ADARB2: variants seen among roughly 807,000 people sequenced by gnomAD.
ADARB2 encodes the protein adenosine deaminase RNA specific B2 (inactive).
Under a neutral mutation model 62.2 loss-of-function variants are expected in ADARB2, and 25 were observed. The observed-to-expected ratio is 0.40, with a 90% CI of 0.29 to 0.56. ADARB2 has a LOEUF of 0.56. ADARB2 is among the 20% of genes least tolerant of loss of function. The pLI, the probability that ADARB2 is intolerant of heterozygous loss-of-function variation, is 0.43. For synonymous variants in ADARB2, 572 were observed against 500.8 expected (o/e 1.14, Z -1.90); for missense variants, 1,071 against 1,077.4 (o/e 0.99, Z 0.08).
chr10:1,578,075 G>A (rs144607738), intron 1 of ADARB2, among the ~76,000 whole-genome samples: 12 of 152,292 alleles, frequency 7.9e-5, no homozygotes, highest in Non-Finnish European at 1.6e-4. Context: ...CCCCATCTGC[G>A]GGGCTTCTTT....
intron 3 of ADARB2, among the ~76,000 whole-genome samples, chr10:1,347,947 T>G (rs986796042): frequency 3.4e-5 from 5 of 146,364 alleles, no homozygotes; most frequent in African/African-American, 1.0e-4. Context: ...TAGAGAGAGA[T>G]AGGGGTGGAG....
At chr10:1,584,864 C>G (rs896908234) in intron 1 of ADARB2, among the ~76,000 whole-genome samples, 1 of 152,146 alleles carries the variant, frequency 6.6e-6, no homozygotes, top group Non-Finnish European at 1.5e-5. Context: ...AAGGCTACAT[C>G]CTGTAGGAGT....
At chr10:1,274,556 G>GC (rs1207267578) in intron 3 of ADARB2, among the ~76,000 whole-genome samples, 1 of 152,012 alleles carries the variant, frequency 6.6e-6, no homozygotes, top group African/African-American at 2.4e-5. Context: ...TGCTTGAGAG[G>GC]CTCCAGCACA....
chr10:1,263,449 A>G (rs1014757573), intron 4 of ADARB2, among the ~76,000 whole-genome samples: 1 of 152,354 alleles, frequency 6.6e-6, no homozygotes, highest in Admixed American at 6.5e-5. Context: ...TCATAGTCAA[A>G]GAGACCAGAA....
rs116761380 is a variant in ADARB2 at position 1,591,132 on chromosome 10, C to T, written c.100+145919G>A. On this transcript the variant is annotated intron_variant, in intron 1 of 9. Transcript: ENST00000381312. The stretch of plus-strand genomic sequence containing the variant: ...GTTCCTCAGAAGAGGATTCCTCAAC[C>T]TTGCCTGGGCTGGGGCCTCACCGGG... 4.8e-3 allele frequency among the ~76,000 whole-genome samples: 726 copies of T among 152,342 alleles called. 1 individual carries two copies. The highest frequency in any genetic ancestry group is 0.016 in the African/African-American group (674 of 41,578).
At chr10:1,361,672 T>A (rs74119493) in intron 3 of ADARB2, 1 of 152,136 alleles carries the variant, frequency 6.6e-6, no homozygotes, top group Non-Finnish European at 1.5e-5. Flanking sequence ...GGCTCTGCCA[T>A]GACGCATGTG....
chr10:1,285,607 A>G (rs1447929876), intron 3 of ADARB2, among the ~76,000 whole-genome samples: 2 of 152,202 alleles, frequency 1.3e-5, no homozygotes, highest in Non-Finnish European at 1.5e-5. Context: ...TGAGCTGTGC[A>G]TTCCCGTGCT....
At chr10:1,720,427 C>G (rs1268220847) in intron 1 of ADARB2, among the ~76,000 whole-genome samples, 1 of 152,154 alleles carries the variant, frequency 6.6e-6, no homozygotes, top group Non-Finnish European at 1.5e-5. Context: ...ATGCTCACTC[C>G]CTGGCTGAGA....
At chr10:1,512,782 G>C (rs892788565) in intron 1 of ADARB2, among the ~76,000 whole-genome samples, 3 of 152,194 alleles carry the variant, frequency 2.0e-5, no homozygotes, top group Non-Finnish European at 4.4e-5. Context: ...GTGCTCTTAC[G>C]TGTCCCAGTG....
intron 1 of ADARB2, among the ~76,000 whole-genome samples, chr10:1,661,108 G>A (rs991730336): frequency 3.9e-5 from 6 of 152,100 alleles, no homozygotes; most frequent in African/African-American, 1.4e-4. Context: ...AATACCCTTA[G>A]TCTGTAAGAG....
intron 1 of ADARB2, among the ~76,000 whole-genome samples, chr10:1,732,252 G>C (rs1835243088): frequency 6.7e-6 from 1 of 149,646 alleles, no homozygotes; most frequent in Non-Finnish European, 1.5e-5. Flanking sequence ...ATACTATACA[G>C]ATGTATAGTT....
chr10:1,457,682 C>G (rs992123477), intron 1 of ADARB2, among the ~76,000 whole-genome samples: 2 of 152,304 alleles, frequency 1.3e-5, no homozygotes, highest in South Asian at 4.2e-4. Flanking sequence ...GGCCACATAG[C>G]TCCCTGATGG....
chr10:1,233,659 G>T (rs774399402), intron 6 of ADARB2, 35 bp downstream of exon 6: 8 of 1,582,164 alleles, frequency 5.1e-6, no homozygotes, highest in Non-Finnish European at 6.0e-6. Flanking sequence ...GCTGGGGGCT[G>T]TTGGCCTACA....
chr10:1,379,260 G>T, intron 1 of ADARB2, 100 bp from the exon 2 acceptor site: 1 of 959,128 alleles, frequency 1.0e-6, no homozygotes. Context: ...CAAGGGAGGT[G>T]GAGAGGTCAC....
At chr10:1,689,281 T>A (rs1834637503) in intron 1 of ADARB2, among the ~76,000 whole-genome samples, 1 of 152,170 alleles carries the variant, frequency 6.6e-6, no homozygotes, top group African/African-American at 2.4e-5. Context: ...TGTTTGATGA[T>A]AAATTAGGCA....
intron 3 of ADARB2, among the ~76,000 whole-genome samples, chr10:1,356,217 T>C (rs1832193648): frequency 6.6e-6 from 1 of 152,216 alleles, no homozygotes; most frequent in Non-Finnish European, 1.5e-5. Flanking sequence ...GCACCTTGCC[T>C]TCCTGCATGG....
At position 1,186,378 on chromosome 10, in the gene ADARB2, G is replaced by A. The variant is rs535518396; in HGVS notation, c.1865-1339C>T. Reference sequence around the variant, plus strand: ...TGCATGGTCCACACAACAGTGAGTCGGCAGGGAGTCCAGGCTCCCACTCAC... The same window carrying A: ...TGCATGGTCCACACAACAGTGAGTCAGCAGGGAGTCCAGGCTCCCACTCAC... On this transcript the variant is annotated intron_variant, in intron 8 of 9. Coordinates refer to ENST00000381312, the MANE Select transcript of ADARB2 (RefSeq NM_018702.4). 187 of 445,416 alleles carry A rather than the reference G, an allele frequency of 4.2e-4. 1 individual carries two copies. Among genetic ancestry groups the A allele is most frequent in the African/African-American group, 2.8e-3 (140 of 50,362 alleles). The allele number at this position is 445,416 out of a possible 1,614,324, so 27.6% of individuals were successfully genotyped here. A position where few individuals can be genotyped will look rare whatever the true frequency, so the allele number is the denominator to read the frequency against.
intron 3 of ADARB2, among the ~76,000 whole-genome samples, chr10:1,289,247 G>A (rs964795997): frequency 6.6e-6 from 1 of 152,134 alleles, no homozygotes; most frequent in South Asian, 2.1e-4. Context: ...GAGTTGTCCC[G>A]TCTTTCCAGA....
At chr10:1,594,371 A>T (rs1311008250) in intron 1 of ADARB2, among the ~76,000 whole-genome samples, 1 of 152,180 alleles carries the variant, frequency 6.6e-6, no homozygotes, top group Non-Finnish European at 1.5e-5. Context: ...GCGAGGTAGC[A>T]TGCCTCCTGT....
Sources: allele counts gnomAD v4.1 joint callset (sites outside exome capture counted in the v4.1 genomes callset), GRCh38; gene constraint gnomAD v4.1.1; transcripts MANE v1.5; gene names NCBI Gene and HGNC (gene_info 2026-07-23, HGNC 2026-07-21).